Variants in DEPDC1B observed in about 807,000 individuals in gnomAD.
DEPDC1B encodes DEP domain containing 1B.
Under a neutral mutation model 66.5 loss-of-function variants are expected in DEPDC1B, and 51 were observed. The observed-to-expected ratio is 0.77, with a 90% CI of 0.61 to 0.97. The LOEUF is 0.97. DEPDC1B is among the 50% of genes least tolerant of loss of function. The pLI is 0.00. For missense variants in DEPDC1B, 552 were observed against 637.1 expected, an observed-to-expected ratio of 0.87 and a Z score of 1.44; for synonymous variants, 226 against 223.6, an observed-to-expected ratio of 1.01 and a Z score of -0.10.
chr5:60,661,623 G>C (rs1435232704), intron 2 of DEPDC1B, among the ~76,000 whole-genome samples: 1 of 152,150 alleles, frequency 6.6e-6, no homozygotes, highest in Non-Finnish European at 1.5e-5. Flanking sequence ...TTTTACAAGG[G>C]CTAGGACAAT....
chr5:60,618,564 T>C (rs915345751), intron 7 of DEPDC1B, among the ~76,000 whole-genome samples: 4 of 152,198 alleles, frequency 2.6e-5, no homozygotes, highest in African/African-American at 9.6e-5. Context: ...CCTCGATACA[T>C]ACACTCTCCC....
chr5:60,638,701 C>T (rs368712606), intron 7 of DEPDC1B, 49 bp downstream of exon 7: 22 of 1,516,902 alleles, frequency 1.5e-5, no homozygotes, highest in Admixed American at 2.3e-5. Context: ...AAAAATGAAA[C>T]GATTCAATAT....
At chr5:60,613,789 TG>T (rs1262524864) in intron 7 of DEPDC1B, among the ~76,000 whole-genome samples, 49 of 42,100 alleles carry the variant, frequency 1.2e-3, no homozygotes, top group South Asian at 4.2e-3. Context: ...CATATGTATT[TG>T]TGTGTGTGTG....
chr5:60,637,237 G>A (rs1028774183), intron 7 of DEPDC1B, among the ~76,000 whole-genome samples: 1 of 152,148 alleles, frequency 6.6e-6, no homozygotes, highest in African/African-American at 2.4e-5. Flanking sequence ...ATGGTGGGAG[G>A]TGATTGGATC....
chr5:60,654,649 AC>A (rs1753535299), intron 2 of DEPDC1B, among the ~76,000 whole-genome samples: 1 of 148,364 alleles, frequency 6.7e-6, no homozygotes, highest in African/African-American at 2.6e-5. Flanking sequence ...TCCAACTAGG[AC>A]TTCCAGTACT....
In DEPDC1B at chr5:60,648,628, G is replaced by A. The variant is rs1753375063; in HGVS notation, c.315-1095C>T. 1.3e-5 allele frequency among the ~76,000 whole-genome samples: 2 copies of A among 152,092 alleles called. 1 individual carries two copies. The highest frequency in any genetic ancestry group is 4.2e-4 in the South Asian group (2 of 4,818). ...AAAACAGTCGCAATAGATTTGAAAA[G>A]GAATGACAAGTGGAGAAAAGTTGCA... On this transcript the variant is annotated intron_variant, in intron 2 of 10. Transcript: ENST00000265036.
chr5:60,668,498 C>A (rs1209357018), intron 2 of DEPDC1B, among the ~76,000 whole-genome samples: 1 of 151,770 alleles, frequency 6.6e-6, no homozygotes, highest in Non-Finnish European at 1.5e-5. Flanking sequence ...TGGTCTCGAA[C>A]TCCTGGCCCT....
chr5:60,627,636 C>A (rs981853506), intron 7 of DEPDC1B, among the ~76,000 whole-genome samples: 1 of 152,062 alleles, frequency 6.6e-6, no homozygotes, highest in Admixed American at 6.5e-5. Flanking sequence ...TTGTTTCTTG[C>A]ATTTCCAAAT....
chr5:60,603,050 T>A (rs1752233799), intron 9 of DEPDC1B, among the ~76,000 whole-genome samples: 1 of 152,204 alleles, frequency 6.6e-6, no homozygotes, highest in Non-Finnish European at 1.5e-5. Context: ...AAAGTGGGAA[T>A]ATTAAACTAG....
chr5:60,681,973 A>T (rs1754305983), intron 2 of DEPDC1B, among the ~76,000 whole-genome samples: 1 of 152,030 alleles, frequency 6.6e-6, no homozygotes, highest in Non-Finnish European at 1.5e-5. Flanking sequence ...AATCCTGAAA[A>T]TTAAGGATTC....
chr5:60,607,072 C>A (rs989246457), intron 7 of DEPDC1B, among the ~76,000 whole-genome samples: 36 of 152,114 alleles, frequency 2.4e-4, no homozygotes, highest in African/African-American at 8.2e-4. Flanking sequence ...TGAGGAGAAA[C>A]CCATAAACAA....
chr5:60,656,722 T>C (rs1425432045), intron 2 of DEPDC1B, among the ~76,000 whole-genome samples: 1 of 151,990 alleles, frequency 6.6e-6, no homozygotes, highest in African/African-American at 2.4e-5. Flanking sequence ...GCAGAGAAAA[T>C]TGCCCTATAA....
chr5:60,624,652 CTT>C (rs759126512), intron 7 of DEPDC1B, among the ~76,000 whole-genome samples: 86 of 152,136 alleles, frequency 5.7e-4, no homozygotes, highest in Non-Finnish European at 1.1e-3. Flanking sequence ...GGTCAGAAAA[CTT>C]AGTACAATTT....
intron 7 of DEPDC1B, among the ~76,000 whole-genome samples, chr5:60,610,700 T>C (rs1752398476): frequency 6.6e-6 from 1 of 152,212 alleles, no homozygotes; most frequent in Non-Finnish European, 1.5e-5. Flanking sequence ...TTTGTAAAAT[T>C]CACCATGTGT....
In DEPDC1B at chr5:60,642,793, G is replaced by A. The variant is rs755358199; in HGVS notation, c.757+19C>T. 6.3e-7 allele frequency: 1 copy of A among 1,598,796 alleles called. No individual in the cohort carries two copies. Among genetic ancestry groups the A allele is most frequent in the Non-Finnish European group, 8.5e-7 (1 of 1,172,528 alleles). ...AATTTCTGTTAATTTCACAAAACTG[G>A]CAGATAATTAGTACTTACAATTTGC... On this transcript the variant is annotated intron_variant, in intron 6 of 10. Transcript: ENST00000265036.
intron 9 of DEPDC1B, among the ~76,000 whole-genome samples, chr5:60,600,696 C>T (rs1403777723): frequency 6.6e-6 from 1 of 152,206 alleles, no homozygotes; most frequent in African/African-American, 2.4e-5. Context: ...TTAACAAGAT[C>T]ATGTTTACCT....
intron 2 of DEPDC1B, among the ~76,000 whole-genome samples, chr5:60,655,832 A>C (rs978498095): frequency 1.3e-5 from 2 of 149,024 alleles, no homozygotes; most frequent in African/African-American, 5.1e-5. Context: ...ACCATAGTTC[A>C]GTTCAAATAA....
At chr5:60,685,614 C>T (rs1284995699) in intron 2 of DEPDC1B, among the ~76,000 whole-genome samples, 1 of 152,078 alleles carries the variant, frequency 6.6e-6, no homozygotes, top group South Asian at 2.1e-4. Flanking sequence ...ACTCATAAAG[C>T]CTCCTGGGAC....
intron 7 of DEPDC1B, among the ~76,000 whole-genome samples, chr5:60,626,171 A>T (rs1752805708): frequency 6.6e-6 from 1 of 152,118 alleles, no homozygotes; most frequent in Non-Finnish European, 1.5e-5. Context: ...AGATTTGCCT[A>T]TTCTGGACAT....
Sources: allele counts gnomAD v4.1 joint callset (sites outside exome capture counted in the v4.1 genomes callset), GRCh38; gene constraint gnomAD v4.1.1; transcripts MANE v1.5; gene names NCBI Gene and HGNC (gene_info 2026-07-23, HGNC 2026-07-21).